GPC5: variants seen among roughly 807,000 people sequenced by gnomAD.
GPC5 encodes the protein glypican-5.
Under a neutral mutation model 53.9 loss-of-function variants are expected in GPC5, and 47 were observed. That is an observed-to-expected ratio of 0.87 (90% confidence interval 0.69 to 1.11). GPC5 has a LOEUF of 1.11. Ranked by LOEUF, GPC5 falls within the 50% of genes most tolerant of loss-of-function variation. GPC5 has a pLI of 0.00. For missense variants in GPC5, 748 were observed against 713.1 expected (o/e 1.05, Z -0.56); for synonymous variants, 286 against 263.3 (o/e 1.09, Z -0.84).
chr13:92,192,970 T>A (rs1413831442), intron 7 of GPC5, among the ~76,000 whole-genome samples: 5 of 151,766 alleles, frequency 3.3e-5, no homozygotes, highest in Non-Finnish European at 1.5e-5. Flanking sequence ...AGGTCAGGAG[T>A]TTGAGACCAG....
intron 2 of GPC5, among the ~76,000 whole-genome samples, chr13:91,583,518 A>T (rs2032448763): frequency 6.6e-6 from 1 of 152,222 alleles, no homozygotes; most frequent in Non-Finnish European, 1.5e-5. Context: ...CCTAGTACTG[A>T]TCATATTCCT....
At chr13:91,689,303 G>A (rs2035703932) in intron 2 of GPC5, among the ~76,000 whole-genome samples, 1 of 145,500 alleles carries the variant, frequency 6.9e-6, no homozygotes, top group Non-Finnish European at 1.5e-5. Flanking sequence ...CATGAGTGGA[G>A]CTTGCAAGAT....
Position 92,785,292 on chromosome 13 carries a change from AAGG to A in GPC5, c.1562-80987_1562-80985del, listed in dbSNP as rs570816224. On this transcript the variant is annotated intron_variant, in intron 7 of 7. Transcript: ENST00000377067. ...CTCTATCTCAAAAAATAATAAGAAGAAGGAGAAGAAACCCTTTCTCATCATTTG... is the reference window on the plus strand; with the variant it reads ...CTCTATCTCAAAAAATAATAAGAAGAAGAAGAAACCCTTTCTCATCATTTG... Among the ~76,000 whole-genome samples the A allele has an allele frequency of 2.9e-3, 437 of 152,186 alleles. 3 individuals carry two copies. Among genetic ancestry groups the A allele is most frequent in the African/African-American group, 0.01 (418 of 41,542 alleles).
chr13:92,469,874 C>T (rs145923286), intron 7 of GPC5, among the ~76,000 whole-genome samples: 62 of 152,154 alleles, frequency 4.1e-4, no homozygotes, highest in Non-Finnish European at 7.6e-4. Flanking sequence ...CAATGAGGTA[C>T]ATGTGTAAAC....
At chr13:91,775,604 G>T (rs2037698607) in intron 5 of GPC5, among the ~76,000 whole-genome samples, 1 of 152,086 alleles carries the variant, frequency 6.6e-6, no homozygotes, top group Non-Finnish European at 1.5e-5. Flanking sequence ...ATGGTTTGGG[G>T]CAGGCATTTC....
At chr13:92,178,505 ATACT>A (rs975108687) in intron 7 of GPC5, among the ~76,000 whole-genome samples, 5 of 150,490 alleles carry the variant, frequency 3.3e-5, no homozygotes, top group Non-Finnish European at 3.0e-5. Context: ...TACTATATAT[ATACT>A]ATTATTAAAT....
intron 7 of GPC5, among the ~76,000 whole-genome samples, chr13:92,521,790 A>G (rs1486904617): frequency 6.6e-6 from 1 of 152,206 alleles, no homozygotes; most frequent in Non-Finnish European, 1.5e-5. Flanking sequence ...ATCTAATTAA[A>G]CTAAAGAGCT....
intron 7 of GPC5, among the ~76,000 whole-genome samples, chr13:92,486,739 A>G (rs1879569705): frequency 1.3e-5 from 2 of 152,264 alleles, no homozygotes; most frequent in African/African-American, 4.8e-5. Context: ...GTGGCTTTTT[A>G]GATTTAAAGT....
chr13:92,824,186 C>T (rs1474316327), intron 7 of GPC5, among the ~76,000 whole-genome samples: 2 of 151,992 alleles, frequency 1.3e-5, no homozygotes, highest in Admixed American at 6.6e-5. Context: ...TATCATCTTA[C>T]ACCAGTCTAC....
At chr13:92,290,356 G>T (rs909769169) in intron 7 of GPC5, among the ~76,000 whole-genome samples, 1 of 152,084 alleles carries the variant, frequency 6.6e-6, no homozygotes, top group East Asian at 1.9e-4. Context: ...ATTTCCATAG[G>T]TTATTGAGGA....
intron 6 of GPC5, among the ~76,000 whole-genome samples, chr13:92,077,090 C>A (rs1853996): frequency 0.52 from 78,786 of 151,860 alleles, 20,814 homozygotes; most frequent in East Asian, 0.79. Flanking sequence ...AGCCCCACCC[C>A]CTGCTTTGAA....
At chr13:91,834,600 C>T (rs1264459357) in intron 5 of GPC5, among the ~76,000 whole-genome samples, 1 of 152,138 alleles carries the variant, frequency 6.6e-6, no homozygotes, top group Non-Finnish European at 1.5e-5. Context: ...CACACATCTA[C>T]AACCATCTGA....
At chr13:91,553,225 G>T (rs187587981) in intron 2 of GPC5, among the ~76,000 whole-genome samples, 41 of 98,598 alleles carry the variant, frequency 4.2e-4, no homozygotes, top group Non-Finnish European at 7.2e-4. Context: ...ACTCTCACAA[G>T]GTTGTGATGC....
At chr13:91,812,311 T>A (rs1384473460) in intron 5 of GPC5, among the ~76,000 whole-genome samples, 4 of 152,172 alleles carry the variant, frequency 2.6e-5, no homozygotes, top group Non-Finnish European at 5.9e-5. Flanking sequence ...GCCTGTTTTT[T>A]AAAACACATA....
chr13:92,377,911 A>G (rs1594146155), intron 7 of GPC5, among the ~76,000 whole-genome samples: 1 of 152,194 alleles, frequency 6.6e-6, no homozygotes, highest in East Asian at 1.9e-4. Flanking sequence ...GGTATAAAAT[A>G]GTTTACTTCT....
intron 5 of GPC5, among the ~76,000 whole-genome samples, chr13:91,769,226 T>C (rs2037578455): frequency 1.3e-5 from 2 of 152,154 alleles, no homozygotes; most frequent in South Asian, 2.1e-4. Flanking sequence ...AGGCTTTCAA[T>C]TGATTGAATG....
At chr13:92,853,239 T>C (rs902944948) in intron 7 of GPC5, among the ~76,000 whole-genome samples, 1 of 152,144 alleles carries the variant, frequency 6.6e-6, no homozygotes, top group Non-Finnish European at 1.5e-5. Context: ...TTACCTGTGA[T>C]CAACCCCAAT....
At chr13:91,779,422 G>T (rs550055250) in intron 5 of GPC5, among the ~76,000 whole-genome samples, 2 of 151,898 alleles carry the variant, frequency 1.3e-5, no homozygotes, top group Admixed American at 1.3e-4. Flanking sequence ...GTGCAGTGGC[G>T]TGGTCTTGGC....
At chr13:92,020,338 C>A (rs2040746587) in intron 6 of GPC5, among the ~76,000 whole-genome samples, 1 of 152,096 alleles carries the variant, frequency 6.6e-6, no homozygotes, top group Non-Finnish European at 1.5e-5. Flanking sequence ...AAGGAGACAT[C>A]TCTAGGAACC....
Sources: gnomAD v4.1 joint callset for allele counts (sites outside exome capture counted in the v4.1 genomes callset) on GRCh38, gnomAD v4.1.1 for gene constraint, MANE v1.5 for transcripts, NCBI Gene and HGNC (gene_info 2026-07-23, HGNC 2026-07-21) for gene names.